TTC23: variants seen among roughly 807,000 people sequenced by gnomAD.
TTC23 encodes the protein tetratricopeptide repeat domain 23, also known as tetratricopeptide repeat protein 23.
In TTC23, 58 loss-of-function variants were observed where a neutral mutation model predicts 55.1. The observed-to-expected ratio is 1.05, with a 90% CI of 0.85 to 1.31. TTC23 has a LOEUF of 1.31. TTC23 is among the 50% of genes most tolerant of loss of function. The pLI, the probability that TTC23 is intolerant of heterozygous loss-of-function variation, is 0.00. For synonymous variants in TTC23, 203 were observed against 199.9 expected (o/e 1.02, Z -0.13); for missense variants, 516 against 534.4 (o/e 0.97, Z 0.34).
Position 99,228,677 on chromosome 15 carries a change from G to A in TTC23, c.36C>T (p.His12=), listed in dbSNP as rs1255326171. The A allele has an allele frequency of 6.2e-7, 1 of 1,612,544 alleles. No individual in the cohort carries two copies. The change falls in exon 5 of 14, where the codon CAC becomes CAT. Residue 12 remains histidine (H), a synonymous_variant. Coordinates refer to ENST00000394132, the MANE Select transcript of TTC23 (RefSeq NM_001288615.3). ...QESQETHISN[H]LDEVVAAVSI... is the part of the protein sequence containing the mutation. ...TAACAGCAGCAACAACTTCATCTAGGTGGTTGGATATGTGGGTTTCCTGTG... is the reference window on the plus strand; with the variant it reads ...TAACAGCAGCAACAACTTCATCTAGATGGTTGGATATGTGGGTTTCCTGTG...
intron 9 of TTC23, among the ~76,000 whole-genome samples, chr15:99,192,734 G>A (rs2151972185): frequency 6.6e-6 from 1 of 152,316 alleles, no homozygotes; most frequent in Non-Finnish European, 1.5e-5. Context: ...ACTGCCTAGT[G>A]GAGCTGTGAG....
chr15:99,142,581 C>T (rs2068361037), intron 12 of TTC23, among the ~76,000 whole-genome samples: 1 of 152,176 alleles, frequency 6.6e-6, no homozygotes, highest in African/African-American at 2.4e-5. Flanking sequence ...TTCACTCTGC[C>T]TTAACAGATT....
At chr15:99,222,160 T>C (rs1364686625) in intron 5 of TTC23, among the ~76,000 whole-genome samples, 1 of 152,194 alleles carries the variant, frequency 6.6e-6, no homozygotes. Context: ...AGCAGACATC[T>C]AGTCATTCTC....
intron 12 of TTC23, among the ~76,000 whole-genome samples, chr15:99,147,281 A>G (rs1230453917): frequency 8.0e-5 from 11 of 138,130 alleles, no homozygotes; most frequent in South Asian, 2.3e-4. Flanking sequence ...GCTGGAGTGC[A>G]GCGGCGCGAT....
intron 12 of TTC23, among the ~76,000 whole-genome samples, chr15:99,150,240 C>A (rs2069521052): frequency 6.6e-6 from 1 of 152,176 alleles, no homozygotes; most frequent in Non-Finnish European, 1.5e-5. Context: ...GGAAGGAGGA[C>A]AAAGAAAACT....
At position 99,137,096 on chromosome 15, in the gene TTC23, A is replaced by G. The variant is rs1354216137; in HGVS notation, c.*914T>C. 4 of 152,282 alleles carry G rather than the reference A, an allele frequency of 2.6e-5. No individual in the cohort carries two copies. In the East Asian group the frequency reaches 7.7e-4, roughly 29 times the overall value. 9.4% of individuals were successfully genotyped at this position (152,282 alleles called of 1,614,324 possible). ...GAGGGGAAGGGACATCACTGCCCAC[A>G]CCTGCACCCCTACCCCTGGGTGTTC... On this transcript the variant is annotated 3_prime_UTR_variant, in exon 14 of 14. Coordinates refer to ENST00000394132, the MANE Select transcript of TTC23 (RefSeq NM_001288615.3).
intron 9 of TTC23, among the ~76,000 whole-genome samples, chr15:99,176,468 G>A (rs1473954394): frequency 2.0e-5 from 3 of 152,026 alleles, no homozygotes; most frequent in African/African-American, 4.8e-5. Flanking sequence ...AAAATTAGCC[G>A]GGCATGGTGG....
intron 2 of TTC23, among the ~76,000 whole-genome samples, chr15:99,243,827 G>T (rs1199298090): frequency 6.6e-6 from 1 of 152,140 alleles, no homozygotes; most frequent in African/African-American, 2.4e-5. Context: ...AGCTGGGAAG[G>T]GTATTGGGCA....
chr15:99,218,047 T>C (rs1164922395), intron 8 of TTC23, among the ~76,000 whole-genome samples: 1 of 152,226 alleles, frequency 6.6e-6, no homozygotes, highest in African/African-American at 2.4e-5. Context: ...CTCTGAGGAA[T>C]TGGCTTAGGT....
At chr15:99,174,297 G>T (rs2073281005) in intron 10 of TTC23, among the ~76,000 whole-genome samples, 1 of 152,120 alleles carries the variant, frequency 6.6e-6, no homozygotes, top group African/African-American at 2.4e-5. Context: ...ATTTTAGCCT[G>T]ACTTCTACTT....
intron 9 of TTC23, among the ~76,000 whole-genome samples, chr15:99,194,456 A>T (rs1214831832): frequency 6.6e-6 from 1 of 151,744 alleles, no homozygotes; most frequent in East Asian, 1.9e-4. Context: ...CCACATAAAT[A>T]CAGTCCACTG....
intron 5 of TTC23, 85 bp downstream of exon 5, chr15:99,228,448 T>G: frequency 3.2e-6 from 4 of 1,256,690 alleles, no homozygotes; most frequent in East Asian, 5.1e-5. Context: ...AGATTAGGAA[T>G]GTAATCCAAA....
intron 3 of TTC23, among the ~76,000 whole-genome samples, chr15:99,237,524 G>T (rs1042263363): frequency 6.6e-6 from 1 of 152,180 alleles, no homozygotes; most frequent in African/African-American, 2.4e-5. Context: ...GCCGAGTGAA[G>T]AAGTCAGGCA....
intron 8 of TTC23, among the ~76,000 whole-genome samples, chr15:99,206,829 T>C (rs1323067451): frequency 6.6e-6 from 1 of 152,110 alleles, no homozygotes; most frequent in East Asian, 1.9e-4. Flanking sequence ...ATTTTTATTA[T>C]TTTTTTATCC....
At chr15:99,173,536 T>G (rs977697469) in intron 10 of TTC23, among the ~76,000 whole-genome samples, 2 of 152,146 alleles carry the variant, frequency 1.3e-5, no homozygotes, top group African/African-American at 4.8e-5. Flanking sequence ...CAGTGGGCTA[T>G]AATTGCGCCA....
intron 1 of TTC23, among the ~76,000 whole-genome samples, chr15:99,248,646 T>C (rs2080468193): frequency 6.6e-6 from 1 of 152,236 alleles, no homozygotes; most frequent in Admixed American, 6.5e-5. Flanking sequence ...TTAAGAACTG[T>C]TCAGAAGTTT....
At chr15:99,149,523 C>T (rs548753386) in intron 12 of TTC23, among the ~76,000 whole-genome samples, 6 of 152,346 alleles carry the variant, frequency 3.9e-5, no homozygotes, top group East Asian at 1.9e-4. Context: ...TCTCAGCCTC[C>T]GCCTGGGAAA....
rs1180788047 is a variant in TTC23, at chr15:99,218,695, C to T, written c.474G>A (p.Glu158=). ...AAAGTCTCTCTGCTTTTGTCAAATT[C>T]TCTGCAGCTTCCTTAAATCTGAATT... is the stretch of plus-strand genomic sequence containing the variant. ...LSLQKFKEAA[E]NLTKAERLSK... is the part of the protein sequence containing the mutation. Residue 158 remains glutamate (E), a synonymous_variant, in exon 8 of 14, where the codon GAG becomes GAA. Transcript: ENST00000394132. The T allele has an allele frequency of 6.2e-7, 1 of 1,614,114 alleles. No homozygotes were observed. The highest frequency in any genetic ancestry group is 2.2e-5 in the East Asian group (1 of 44,884).
intron 6 of TTC23, among the ~76,000 whole-genome samples, chr15:99,219,708 A>C (rs1307988489): frequency 6.6e-6 from 1 of 152,150 alleles, no homozygotes; most frequent in Non-Finnish European, 1.5e-5. Flanking sequence ...ATCTGTGGGA[A>C]GGGAGGACTG....
Sources: allele counts gnomAD v4.1 joint callset (sites outside exome capture counted in the v4.1 genomes callset), GRCh38; gene constraint gnomAD v4.1.1; transcripts MANE v1.5; gene names NCBI Gene and HGNC (gene_info 2026-07-23, HGNC 2026-07-21).